LRRC8C: variants seen among roughly 807,000 people sequenced by gnomAD.
LRRC8C encodes the protein leucine rich repeat containing 8 VRAC subunit C.
In LRRC8C, 20 loss-of-function variants were observed where a neutral mutation model predicts 55.3. That is an observed-to-expected ratio of 0.36 (90% CI 0.25 to 0.53). The LOEUF is 0.53. LRRC8C is among the 20% of genes least tolerant of loss of function. LRRC8C has a pLI of 0.92. For missense variants in LRRC8C, 659 were observed against 951.4 expected (o/e 0.69, Z 4.04); for synonymous variants, 376 against 360.7 (o/e 1.04, Z -0.48).
intron 1 of LRRC8C, among the ~76,000 whole-genome samples, chr1:89,642,096 G>C (rs1489307358): frequency 6.6e-6 from 1 of 152,128 alleles, no homozygotes; most frequent in Non-Finnish European, 1.5e-5. Context: ...CTCTCAGCTT[G>C]TCTACTCCAA....
At chr1:89,651,495 G>A (rs113807428) in intron 1 of LRRC8C, among the ~76,000 whole-genome samples, 3,269 of 148,564 alleles carry the variant, frequency 0.022, 115 homozygotes, top group African/African-American at 0.078. Context: ...ATGAACCTGG[G>A]AGGTGGAGCT....
intron 1 of LRRC8C, among the ~76,000 whole-genome samples, chr1:89,638,791 T>G (rs904033191): frequency 1.3e-5 from 2 of 152,166 alleles, no homozygotes; most frequent in East Asian, 3.9e-4. Flanking sequence ...TATCCTTTTA[T>G]TTCCTGGAAG....
At chr1:89,639,994 A>G (rs773304260) in intron 1 of LRRC8C, among the ~76,000 whole-genome samples, 2 of 152,240 alleles carry the variant, frequency 1.3e-5, no homozygotes, top group South Asian at 2.1e-4. Flanking sequence ...TAAGACATCA[A>G]AGTAAATCCT....
rs1658900328 is a variant in LRRC8C, at chr1:89,719,030, T to C, written c.*4048T>C. The C allele has an allele frequency of 6.6e-6, 1 of 152,178 alleles. No homozygotes were observed. The highest frequency in any genetic ancestry group is 6.6e-5 in the Admixed American group (1 of 15,262). 9.4% of individuals were successfully genotyped at this position (152,178 alleles called of 1,614,324 possible). On this transcript the variant is annotated 3_prime_UTR_variant, in exon 3 of 3. Coordinates refer to ENST00000370454, the MANE Select transcript of LRRC8C (RefSeq NM_032270.5). The stretch of plus-strand genomic sequence containing the variant: ...AAAGTTTCCTGCCAGCCATCCAAAC[T>C]AAGCATCCACTCATTCCATCTTCCC...
intron 2 of LRRC8C, among the ~76,000 whole-genome samples, chr1:89,700,588 G>C (rs1658291357): frequency 6.6e-6 from 1 of 152,194 alleles, no homozygotes; most frequent in Non-Finnish European, 1.5e-5. Context: ...TCTTATCTCT[G>C]AACAATCCCT....
At chr1:89,622,990 C>A in the LRRC8C span, among the ~76,000 whole-genome samples, 1 of 152,054 alleles carries the variant, frequency 6.6e-6, no homozygotes, top group Admixed American at 6.6e-5. Context: ...AAAGAATATT[C>A]GAGACACTTA....
the LRRC8C span, among the ~76,000 whole-genome samples, chr1:89,620,745 T>G: frequency 6.6e-6 from 1 of 152,212 alleles, no homozygotes; most frequent in Admixed American, 6.5e-5. Context: ...TTTCACAAGA[T>G]CAGGAGATTC....
At chr1:89,661,752 G>A (rs1008633045) in intron 1 of LRRC8C, among the ~76,000 whole-genome samples, 1 of 152,180 alleles carries the variant, frequency 6.6e-6, no homozygotes, top group Admixed American at 6.5e-5. Flanking sequence ...ATGTTCAAAG[G>A]TGTTAAGTGC....
At chr1:89,637,009 C>T (rs1236588533) in intron 1 of LRRC8C, among the ~76,000 whole-genome samples, 1 of 152,086 alleles carries the variant, frequency 6.6e-6, no homozygotes, top group Admixed American at 6.5e-5. Flanking sequence ...TTAGGAAAGA[C>T]ACCCAAATTG....
At chr1:89,666,040 G>T (rs150924101) in intron 1 of LRRC8C, among the ~76,000 whole-genome samples, 1 of 152,090 alleles carries the variant, frequency 6.6e-6, no homozygotes, top group African/African-American at 2.4e-5. Context: ...TGCGTAGTAG[G>T]CTATACCGTC....
At chr1:89,620,579 CAAAAAA>C in the LRRC8C span, among the ~76,000 whole-genome samples, 31 of 137,026 alleles carry the variant, frequency 2.3e-4, no homozygotes, top group African/African-American at 8.2e-4. Context: ...GATGATTTTT[CAAAAAA>C]AAAAAAAAAA....
chr1:89,701,553 C>CA (rs1658326094), intron 2 of LRRC8C, among the ~76,000 whole-genome samples: 1 of 151,754 alleles, frequency 6.6e-6, no homozygotes, highest in Admixed American at 6.6e-5. Context: ...TAAGTATTTT[C>CA]ATATGCTGTT....
At chr1:89,676,742 G>T (rs1411441820) in intron 1 of LRRC8C, among the ~76,000 whole-genome samples, 2 of 152,296 alleles carry the variant, frequency 1.3e-5, no homozygotes, top group East Asian at 3.9e-4. Context: ...GTCTTTAAAT[G>T]CACCATTGGC....
chr1:89,679,172 A>G (rs1657633972), intron 1 of LRRC8C, among the ~76,000 whole-genome samples: 1 of 152,224 alleles, frequency 6.6e-6, no homozygotes, highest in African/African-American at 2.4e-5. Context: ...TAGCCAGGGA[A>G]GTAGAAGGAA....
intron 1 of LRRC8C, among the ~76,000 whole-genome samples, chr1:89,640,682 A>T (rs746110067): frequency 6.6e-6 from 1 of 152,340 alleles, no homozygotes; most frequent in East Asian, 1.9e-4. Context: ...TATGTGGACA[A>T]CTGTGACCAG....
At chr1:89,643,867 CG>C (rs1656539373) in intron 1 of LRRC8C, among the ~76,000 whole-genome samples, 1 of 152,132 alleles carries the variant, frequency 6.6e-6, no homozygotes, top group Non-Finnish European at 1.5e-5. Context: ...CTGACATACA[CG>C]GTACTATTTG....
At chr1:89,645,299 G>C (rs1028006726) in intron 1 of LRRC8C, among the ~76,000 whole-genome samples, 1 of 152,136 alleles carries the variant, frequency 6.6e-6, no homozygotes, top group Admixed American at 6.5e-5. Flanking sequence ...ATTTGAACAT[G>C]TATTGATAGA....
the LRRC8C span, among the ~76,000 whole-genome samples, chr1:89,619,538 T>C: frequency 6.6e-6 from 1 of 150,604 alleles, no homozygotes; most frequent in African/African-American, 2.4e-5. Context: ...TAAGTATTCA[T>C]TATGTTCACT....
intron 2 of LRRC8C, among the ~76,000 whole-genome samples, chr1:89,709,131 C>G (rs1018018876): frequency 1.3e-5 from 2 of 152,174 alleles, no homozygotes; most frequent in Non-Finnish European, 2.9e-5. Flanking sequence ...TGGCATAAGC[C>G]TCCTACGCTG....
Sources: allele counts gnomAD v4.1 joint callset (sites outside exome capture counted in the v4.1 genomes callset), GRCh38; gene constraint gnomAD v4.1.1; transcripts MANE v1.5; gene names NCBI Gene and HGNC (gene_info 2026-07-23, HGNC 2026-07-21).